The following CRPPA variants were observed in gnomAD, a reference collection of about 807,000 sequenced individuals.
The protein encoded by CRPPA is D-ribitol-5-phosphate cytidylyltransferase.
In CRPPA, 43 loss-of-function variants were observed where a neutral mutation model predicts 52.0. The observed-to-expected ratio is 0.83, with a 90% CI of 0.65 to 1.07. The LOEUF (loss-of-function observed/expected upper bound fraction) is 1.07. CRPPA is among the 50% of genes least tolerant of loss of function. The pLI is 0.00. For missense variants in CRPPA, 629 were observed against 551.7 expected, an observed-to-expected ratio of 1.14 and a Z score of -1.40; for synonymous variants, 250 against 203.5, an observed-to-expected ratio of 1.23 and a Z score of -1.94.
chr7:16,118,391 A>T (rs1782420373), intron 9 of CRPPA, among the ~76,000 whole-genome samples: 1 of 152,186 alleles, frequency 6.6e-6, no homozygotes, highest in African/African-American at 2.4e-5. Context: ...GACTGCTGGC[A>T]TTGAGTTAGA....
At chr7:16,209,271 G>GTGTTTTTTTTTTTTTT (rs1316167969) in intron 9 of CRPPA, 1 of 137,736 alleles carries the variant, frequency 7.3e-6, no homozygotes, top group Non-Finnish European at 1.6e-5. Context: ...GGTTCTAAGT[G>GTGTTTTTTTTTTTTTT]TCTTTTTTTT....
chr7:16,120,300 T>C (rs1187549754), intron 9 of CRPPA, among the ~76,000 whole-genome samples: 3 of 152,126 alleles, frequency 2.0e-5, no homozygotes, highest in Non-Finnish European at 4.4e-5. Flanking sequence ...TCAACCTCAA[T>C]ATCTGATCAA....
rs185186739 is a variant in CRPPA at position 16,283,541 on chromosome 7, A to T, written c.836-5315T>A. On this transcript the variant is annotated intron_variant, in intron 5 of 9. Transcript: ENST00000407010. ...TCTATGTGTATATATATATCTATAG[A>T]TATACTATATATGTGTGTGTGTGTG... 2.0e-5 allele frequency among the ~76,000 whole-genome samples: 3 copies of T among 150,918 alleles called. No homozygotes were observed. In the East Asian group the frequency reaches 5.8e-4, roughly 29 times the overall value.
At chr7:16,406,933 G>T (rs1442360897) in intron 1 of CRPPA, among the ~76,000 whole-genome samples, 1 of 152,170 alleles carries the variant, frequency 6.6e-6, no homozygotes, top group African/African-American at 2.4e-5. Context: ...TCATGAAATA[G>T]GATTGTTCTA....
chr7:16,195,798 T>G (rs1206899183), intron 9 of CRPPA, among the ~76,000 whole-genome samples: 1 of 152,124 alleles, frequency 6.6e-6, no homozygotes, highest in East Asian at 1.9e-4. Flanking sequence ...CAGGTCCATT[T>G]CTTGCTCTGC....
chr7:16,115,329 G>A (rs1489260998), intron 9 of CRPPA, among the ~76,000 whole-genome samples: 1 of 152,152 alleles, frequency 6.6e-6, no homozygotes, highest in African/African-American at 2.4e-5. Flanking sequence ...ATATGTTAGA[G>A]AGATGGATTA....
chr7:16,347,070 A>G (rs549575238), intron 3 of CRPPA, among the ~76,000 whole-genome samples: 58 of 152,272 alleles, frequency 3.8e-4, no homozygotes, highest in African/African-American at 1.3e-3. Flanking sequence ...AATACTTCCA[A>G]TATCAGGCAT....
chr7:16,111,316 C>A (rs2128367068), intron 9 of CRPPA, among the ~76,000 whole-genome samples: 1 of 152,164 alleles, frequency 6.6e-6, no homozygotes, highest in African/African-American at 2.4e-5. Context: ...AACTCTTGTG[C>A]ACTGTTGGTA....
intron 9 of CRPPA, among the ~76,000 whole-genome samples, chr7:16,111,056 T>G (rs995937289): frequency 5.3e-5 from 8 of 150,784 alleles, no homozygotes; most frequent in Non-Finnish European, 7.4e-5. Flanking sequence ...TTTAAGTAGC[T>G]CAAACATTTC....
At chr7:16,406,022 G>A (rs1390581159) in intron 2 of CRPPA, 39 bp downstream of exon 2, 1 of 1,586,102 alleles carries the variant, frequency 6.3e-7, no homozygotes, top group South Asian at 1.1e-5. Flanking sequence ...ACACTACAGT[G>A]CTTGTCCCTT....
chr7:16,362,009 C>T (rs1786462338), intron 3 of CRPPA, among the ~76,000 whole-genome samples: 1 of 152,168 alleles, frequency 6.6e-6, no homozygotes, highest in South Asian at 2.1e-4. Context: ...CACCTGCCAT[C>T]ACGCCCAGTT....
At chr7:16,265,186 T>G (rs184658572) in intron 6 of CRPPA, among the ~76,000 whole-genome samples, 1 of 152,270 alleles carries the variant, frequency 6.6e-6, no homozygotes, top group East Asian at 1.9e-4. Flanking sequence ...GGTAAGCTGG[T>G]GGATCATAAC....
At chr7:16,368,870 G>A (rs1786677002) in intron 3 of CRPPA, among the ~76,000 whole-genome samples, 1 of 151,910 alleles carries the variant, frequency 6.6e-6, no homozygotes, top group Non-Finnish European at 1.5e-5. Flanking sequence ...GAGATTTAAG[G>A]GGATTTCATT....
At position 16,248,720 on chromosome 7, in the gene CRPPA, G is replaced by A. The variant is rs985374739; in HGVS notation, c.1119+9670C>T. On this transcript the variant is annotated intron_variant, in intron 8 of 9. Coordinates refer to ENST00000407010, the MANE Select transcript of CRPPA (RefSeq NM_001101426.4). ...ATCTCATTGGGACTGGTTGGACAGT[G>A]GGTGCAGCCCACAGAGGGCGAGCTG... 2.6e-5 allele frequency among the ~76,000 whole-genome samples: 4 copies of A among 152,172 alleles called. No individual in the cohort carries two copies. The South Asian group carries it at 6.2e-4, about 24-fold the overall frequency.
intron 3 of CRPPA, among the ~76,000 whole-genome samples, chr7:16,337,057 C>G (rs1483608535): frequency 2.0e-5 from 3 of 151,940 alleles, no homozygotes; most frequent in Non-Finnish European, 4.4e-5. Flanking sequence ...ATCCCACTTT[C>G]AAAAATGGAC....
intron 9 of CRPPA, among the ~76,000 whole-genome samples, chr7:16,095,272 A>C (rs1010975688): frequency 1.3e-5 from 2 of 152,210 alleles, no homozygotes; most frequent in African/African-American, 4.8e-5. Flanking sequence ...ATATTCCTTT[A>C]ATAAACTATG....
At chr7:16,359,836 A>C (rs1016825520) in intron 3 of CRPPA, among the ~76,000 whole-genome samples, 5 of 152,160 alleles carry the variant, frequency 3.3e-5, no homozygotes, top group African/African-American at 1.2e-4. Context: ...CACAAACAGT[A>C]ATTTTGTGCC....
intron 9 of CRPPA, among the ~76,000 whole-genome samples, chr7:16,213,698 G>A (rs976161671): frequency 2.0e-5 from 3 of 150,876 alleles, no homozygotes; most frequent in East Asian, 1.9e-4. Context: ...GCAATGAGCC[G>A]AGATTGTGCC....
At chr7:16,386,128 G>C (rs1180612867) in intron 2 of CRPPA, among the ~76,000 whole-genome samples, 2 of 152,054 alleles carry the variant, frequency 1.3e-5, no homozygotes, top group African/African-American at 2.4e-5. Flanking sequence ...GAGTGGTGGA[G>C]GTGGTCTCGG....
Sources: gnomAD v4.1 joint callset for allele counts (sites outside exome capture counted in the v4.1 genomes callset) on GRCh38, gnomAD v4.1.1 for gene constraint, MANE v1.5 for transcripts, NCBI Gene and HGNC (gene_info 2026-07-23, HGNC 2026-07-21) for gene names.